The following PNPLA7 variants were observed in gnomAD, a reference collection of about 807,000 sequenced individuals.
The protein encoded by PNPLA7 is patatin like domain 7, lysophospholipase.
A neutral mutation model predicts 161.7 loss-of-function variants in PNPLA7; 153 were observed. That is an observed-to-expected ratio of 0.95 (90% CI 0.83 to 1.08). The LOEUF is 1.08. PNPLA7 is among the 50% of genes least tolerant of loss of function. PNPLA7 has a pLI of 0.00. For synonymous variants in PNPLA7, 809 were observed against 782.1 expected (o/e 1.03, Z -0.57); for missense variants, 1,739 against 1,856.6 (o/e 0.94, Z 1.16).
At chr9:137,464,594 G>T in intron 26 of PNPLA7, 138 bp from the exon 27 acceptor site, 1 of 798,336 alleles carries the variant, frequency 1.3e-6, no homozygotes, top group Non-Finnish European at 2.1e-6. Context: ...CGGTCCTGAG[G>T]CTTGGCGCCC....
intron 8 of PNPLA7, among the ~76,000 whole-genome samples, chr9:137,532,165 G>GGT (rs891746656): frequency 3.9e-5 from 6 of 152,222 alleles, no homozygotes; most frequent in African/African-American, 1.4e-4. Flanking sequence ...GGCCAGGCAC[G>GGT]GTGGTTCACA....
intron 17 of PNPLA7, 143 bp from the exon 18 acceptor site, chr9:137,497,453 T>A: frequency 1.2e-6 from 1 of 806,252 alleles, no homozygotes; most frequent in Non-Finnish European, 1.7e-6. Context: ...GAAAACATAT[T>A]TTTTATTTTA....
At chr9:137,484,437 C>T (rs1832364584) in intron 21 of PNPLA7, 150 bp downstream of exon 21, 1 of 761,298 alleles carries the variant, frequency 1.3e-6, no homozygotes, top group Non-Finnish European at 1.8e-6. Flanking sequence ...TAACAGCTGC[C>T]AGCAATTTGG....
intron 25 of PNPLA7, among the ~76,000 whole-genome samples, chr9:137,473,449 TA>T (rs1312173695): frequency 1.3e-5 from 2 of 151,942 alleles, no homozygotes; most frequent in East Asian, 1.9e-4. Flanking sequence ...TTAATAACCA[TA>T]AAAAAACTGG....
intron 8 of PNPLA7, among the ~76,000 whole-genome samples, chr9:137,527,355 T>A (rs1460033203): frequency 6.6e-6 from 1 of 152,160 alleles, no homozygotes; most frequent in African/African-American, 2.4e-5. Flanking sequence ...AGGGAAAATA[T>A]TCAGTCTTTC....
chr9:137,495,192 G>T (rs372853192), intron 18 of PNPLA7, 46 bp from the exon 19 acceptor site: 1 of 1,412,904 alleles, frequency 7.1e-7, no homozygotes, highest in South Asian at 1.2e-5. Flanking sequence ...TGGGAGGGCC[G>T]AGCCAGCTGG....
Position 137,500,862 on chromosome 9 carries a change from A to C in PNPLA7, c.1586T>G (p.Leu529Arg). Residue 529 changes from leucine to arginine, a missense_variant, in exon 16 of 35, where the codon CTG becomes CGG. By Grantham distance (102) the Leu-to-Arg change is moderately radical. Around this residue, in one of 6 missense-constraint regions of PNPLA7, gnomAD observed 481 missense variants for 450.0 expected, o/e 1.07. Transcript: ENST00000406427. This position sits in a 1 kb window ranked among gnomAD's most constrained non-coding sequence, Gnocchi z 5.5. Reference protein sequence around the residue: ...ASILFVVSGLLHVYQRKIGSQ... With the variant: ...ASILFVVSGLRHVYQRKIGSQ... Reference sequence around the variant, plus strand: ...GCCGATCTTCCGCTGGTACACGTGCAGCAGCCCCGAGACCACGAACAGGAT... The same window carrying C: ...GCCGATCTTCCGCTGGTACACGTGCCGCAGCCCCGAGACCACGAACAGGAT... 1 of 1,587,932 alleles carries C rather than the reference A, an allele frequency of 6.3e-7. No homozygotes were observed.
chr9:137,507,013 C>T (rs1277299352), intron 12 of PNPLA7, among the ~76,000 whole-genome samples: 1 of 152,258 alleles, frequency 6.6e-6, no homozygotes, highest in Non-Finnish European at 1.5e-5. Context: ...CGGGAAGGAA[C>T]CAGGCCCAGG....
At chr9:137,505,007 G>A (rs1020997362) in intron 14 of PNPLA7, among the ~76,000 whole-genome samples, 1 of 152,048 alleles carries the variant, frequency 6.6e-6, no homozygotes, top group Non-Finnish European at 1.5e-5. Flanking sequence ...TGGCCAACAT[G>A]GTGAAACCCC....
Position 137,463,438 on chromosome 9 carries a change from C to A in PNPLA7, c.3320G>T (p.Gly1107Val). The A allele has an allele frequency of 6.2e-7, 1 of 1,602,448 alleles. No individual in the cohort carries two copies. Among genetic ancestry groups the A allele is most frequent in the East Asian group, 2.3e-5 (1 of 44,248 alleles). ...ACCTGGGAGGTTGTTGATGTAGCCC[C>A]CGTCCATCAGCAGGTGTCCGTCCTT... ...DPKDGHLLMD[G>V]GYINNLPADV... The change falls in exon 29 of 35, where the codon GGG (glycine) becomes GTG (valine). Residue 1107 changes from glycine to valine, a missense_variant. Around this residue, in one of 6 missense-constraint regions of PNPLA7, gnomAD observed 703 missense variants for 694.6 expected, o/e 1.01. Coordinates refer to ENST00000406427, the MANE Select transcript of PNPLA7 (RefSeq NM_001098537.3).
At chr9:137,469,306 A>G (rs575456733) in intron 25 of PNPLA7, among the ~76,000 whole-genome samples, 1 of 152,196 alleles carries the variant, frequency 6.6e-6, no homozygotes, top group Non-Finnish European at 1.5e-5. Context: ...TCTGTAAGGG[A>G]GTTTAGGAAA....
At chr9:137,497,982 A>G in intron 17 of PNPLA7, 132 bp downstream of exon 17, 1 of 1,410,282 alleles carries the variant, frequency 7.1e-7, no homozygotes, top group Non-Finnish European at 9.6e-7. Context: ...GGCTGGGGAA[A>G]TCCAGCCTTC....
At position 137,541,554 on chromosome 9, in the gene PNPLA7, C is replaced by G; in HGVS notation, c.667-832G>C. ...CCTGCAGGTCAGGGTGATGATCACA[C>G]AAAGCCCAGGGTTTGCTGAGTGCGT... On this transcript the variant is annotated intron_variant, in intron 7 of 34. Transcript: ENST00000406427. The surrounding 1 kb of genome is among the most constrained non-coding windows in gnomAD (Gnocchi z 4.4). 1.1e-6 allele frequency: 1 copy of G among 950,820 alleles called. No individual in the cohort carries two copies. The allele number at this position is 950,820 out of a possible 1,614,324, so 58.9% of individuals were successfully genotyped here.
In PNPLA7 at chr9:137,540,665, G is replaced by A; in HGVS notation, c.724C>T (p.Leu242Phe). 1 of 1,612,180 alleles carries A rather than the reference G, an allele frequency of 6.2e-7. No homozygotes were observed. The highest frequency in any genetic ancestry group is 1.3e-5 in the African/African-American group (1 of 75,042). ...ACGGTGATGATGTCCAGGATGCTGAGCAGGCTGTGGACGCTGTCTCCCGCC... is the reference window on the plus strand; with the variant it reads ...ACGGTGATGATGTCCAGGATGCTGAACAGGCTGTGGACGCTGTCTCCCGCC... ...VLAGDSVHSL[L>F]SILDIITGHA... The change falls in exon 8 of 35, where the codon CTC becomes TTC. Residue 242 changes from leucine (L) to phenylalanine (F), a missense_variant. Transcript: ENST00000406427. This position sits in a 1 kb window ranked among gnomAD's most constrained non-coding sequence, Gnocchi z 5.1.
At position 137,498,244 on chromosome 9, in the gene PNPLA7, T is replaced by G; in HGVS notation, c.1759A>C (p.Ile587Leu). The change falls in exon 17 of 35, where the codon ATC (isoleucine) becomes CTC (leucine). Residue 587 changes from isoleucine (I) to leucine (L), a missense_variant and splice_region_variant. Physicochemically the swap from Ile to Leu is conservative, Grantham distance 5 (BLOSUM62 2). Around this residue, in one of 6 missense-constraint regions of PNPLA7, gnomAD observed 481 missense variants for 450.0 expected, o/e 1.07. Transcript: ENST00000406427. ...LSISKAHFYE[I>L]MRKQPTVVLG... ...ACGACGGTCGGCTGCTTCCGCATGATTCTGCCGGGCAGCCCAGAGTCAATC... is the reference window on the plus strand; with the variant it reads ...ACGACGGTCGGCTGCTTCCGCATGAGTCTGCCGGGCAGCCCAGAGTCAATC... 1 of 1,610,528 alleles carries G rather than the reference T, an allele frequency of 6.2e-7. No homozygotes were observed. Among genetic ancestry groups the G allele is most frequent in the Non-Finnish European group, 8.5e-7 (1 of 1,179,940 alleles).
chr9:137,533,542 C>G (rs1013800481), intron 8 of PNPLA7, among the ~76,000 whole-genome samples: 2 of 149,746 alleles, frequency 1.3e-5, no homozygotes, highest in Non-Finnish European at 3.0e-5. Context: ...GGAGCACCCC[C>G]AGAATCCTCC....
intron 8 of PNPLA7, among the ~76,000 whole-genome samples, chr9:137,528,370 T>C (rs1323852864): frequency 2.0e-5 from 3 of 152,198 alleles, no homozygotes; most frequent in East Asian, 1.9e-4. Context: ...AATATGAGCA[T>C]TGCCCAGGCT....
chr9:137,535,000 G>GT (rs1554778278), intron 8 of PNPLA7, among the ~76,000 whole-genome samples: 7 of 152,112 alleles, frequency 4.6e-5, no homozygotes, highest in African/African-American at 1.2e-4. Flanking sequence ...TGTAAAGGAA[G>GT]TTTTTTTTGG....
At chr9:137,548,797 A>G (rs1836684935) in intron 1 of PNPLA7, among the ~76,000 whole-genome samples, 1 of 152,198 alleles carries the variant, frequency 6.6e-6, no homozygotes, top group Non-Finnish European at 1.5e-5. Context: ...AAACGCATTT[A>G]AAGACACAAT....
Sources: allele counts gnomAD v4.1 joint callset (sites outside exome capture counted in the v4.1 genomes callset), GRCh38; gene constraint gnomAD v4.1.1; regional missense constraint gnomAD v4.1.1; non-coding constraint Gnocchi (gnomAD v3.1); transcripts MANE v1.5; gene names NCBI Gene and HGNC (gene_info 2026-07-23, HGNC 2026-07-21).